AK8: variants seen among roughly 807,000 people sequenced by gnomAD.
AK8 encodes the protein ATP-AMP transphosphorylase 8.
In AK8, 44 loss-of-function variants were observed where a neutral mutation model predicts 54.6. The observed-to-expected ratio is 0.81, with a 90% CI of 0.63 to 1.04. The LOEUF is 1.04. Ranked by LOEUF, AK8 falls within the 50% of genes least tolerant of loss-of-function variation. The probability of loss-of-function intolerance (pLI) is 0.00; values close to 1 mark genes in which losing one functional copy is unlikely to be tolerated. For synonymous variants in AK8, 239 were observed against 245.6 expected, an observed-to-expected ratio of 0.97 and a Z score of 0.25; for missense variants, 555 against 613.6, an observed-to-expected ratio of 0.90 and a Z score of 1.01.
intron 11 of AK8, among the ~76,000 whole-genome samples, chr9:132,740,152 A>G (rs1837302904): frequency 6.6e-6 from 1 of 152,216 alleles, no homozygotes. Flanking sequence ...CAGCCCCCTA[A>G]GGCGGAGCAC....
chr9:132,793,212 T>C (rs1252701737), intron 10 of AK8, among the ~76,000 whole-genome samples: 1 of 152,196 alleles, frequency 6.6e-6, no homozygotes, highest in Non-Finnish European at 1.5e-5. Context: ...CCTCACCTGG[T>C]GGAAGGGGTG....
intron 2 of AK8, among the ~76,000 whole-genome samples, chr9:132,868,440 C>G (rs530781523): frequency 6.6e-6 from 1 of 152,200 alleles, no homozygotes; most frequent in Non-Finnish European, 1.5e-5. Flanking sequence ...GTTCCCTCCA[C>G]GTTCCTGCCT....
chr9:132,772,427 G>T (rs1839024005), intron 11 of AK8, among the ~76,000 whole-genome samples: 1 of 152,170 alleles, frequency 6.6e-6, no homozygotes, highest in Non-Finnish European at 1.5e-5. Flanking sequence ...AATCTGACTG[G>T]AGTCCTTCTA....
intron 11 of AK8, among the ~76,000 whole-genome samples, chr9:132,778,429 C>T (rs1399588294): frequency 1.3e-5 from 2 of 152,060 alleles, no homozygotes; most frequent in Non-Finnish European, 2.9e-5. Context: ...ATCCATAGTC[C>T]GCATAAGGAT....
intron 1 of AK8, chr9:132,877,655 T>C (rs1471117516): frequency 2.9e-6 from 1 of 349,758 alleles, no homozygotes; most frequent in Admixed American, 3.7e-5. Flanking sequence ...CGTCTGGCCC[T>C]GAGGAGGAGG....
At chr9:132,869,057 G>C (rs1393481149) in intron 2 of AK8, among the ~76,000 whole-genome samples, 1 of 152,192 alleles carries the variant, frequency 6.6e-6, no homozygotes, top group East Asian at 1.9e-4. Context: ...GCACACAACT[G>C]TAATCCCAGC....
At position 132,725,929 on chromosome 9, in the gene AK8, C is replaced by T. The variant is rs1318060489; in HGVS notation, c.1203-4G>A. 3.1e-6 allele frequency: 5 copies of T among 1,608,622 alleles called. No individual in the cohort carries two copies. The Admixed American group carries it at 6.7e-5, about 22-fold the overall frequency. ...TGGCTTGTACATGAGGTGGTACCTGCAAGGGAGGAAGGAAAGCAGGTGACC... is the reference window on the plus strand; with the variant it reads ...TGGCTTGTACATGAGGTGGTACCTGTAAGGGAGGAAGGAAAGCAGGTGACC... On this transcript the variant is annotated splice_region_variant and splice_polypyrimidine_tract_variant and intron_variant, in intron 12 of 12. Transcript: ENST00000298545.
At chr9:132,868,896 A>G (rs1488779689) in intron 2 of AK8, among the ~76,000 whole-genome samples, 2 of 152,138 alleles carry the variant, frequency 1.3e-5, no homozygotes, top group Non-Finnish European at 1.5e-5. Context: ...AGTCAAGAAG[A>G]AAAGGGGGTT....
rs1842385235 is a variant in AK8, at chr9:132,837,758, G to A, written c.403-9032C>T. Among the ~76,000 whole-genome samples the A allele has an allele frequency of 6.6e-6, 1 of 152,132 alleles. No individual in the cohort carries two copies. Among genetic ancestry groups the A allele is most frequent in the Non-Finnish European group, 1.5e-5 (1 of 68,026 alleles). On this transcript the variant is annotated intron_variant, in intron 5 of 12. Transcript: ENST00000298545. The surrounding 1 kb of genome is among the most constrained non-coding windows in gnomAD (Gnocchi z 4.3). Reference sequence around the variant, plus strand: ...ACACCAACCAACCAACCACGCCTCAGCATCAGGGTCTCTTACAGAAACACC... The same window carrying A: ...ACACCAACCAACCAACCACGCCTCAACATCAGGGTCTCTTACAGAAACACC...
At chr9:132,830,989 C>T (rs964396674) in intron 5 of AK8, among the ~76,000 whole-genome samples, 1 of 152,184 alleles carries the variant, frequency 6.6e-6, no homozygotes, top group African/African-American at 2.4e-5. Flanking sequence ...TACTCTGTTT[C>T]CTTATGGCTC....
intron 8 of AK8, 21 bp from the exon 9 acceptor site, chr9:132,823,357 G>A: frequency 6.2e-7 from 1 of 1,613,294 alleles, no homozygotes; most frequent in Non-Finnish European, 8.5e-7. Context: ...AGGATATGAG[G>A]ATAATAAACC....
In AK8 at chr9:132,799,399, T is replaced by C. The variant is rs151120641; in HGVS notation, c.980-6624A>G. On this transcript the variant is annotated intron_variant, in intron 10 of 12. Coordinates refer to ENST00000298545, the MANE Select transcript of AK8 (RefSeq NM_152572.3). The surrounding 1 kb of genome is among the most constrained non-coding windows in gnomAD (Gnocchi z 5.0). Reference sequence around the variant, plus strand: ...TCACGACAAGCCATGTGAGCCTCCTTGGCACCCTAGGGCAAACAGGAAAGA... The same window carrying C: ...TCACGACAAGCCATGTGAGCCTCCTCGGCACCCTAGGGCAAACAGGAAAGA... Among the ~76,000 whole-genome samples the C allele has an allele frequency of 6.7e-3, 1,023 of 152,176 alleles. 5 individuals are homozygous for C. The highest frequency in any genetic ancestry group is 0.019 in the African/African-American group (792 of 41,518).
intron 1 of AK8, 171 bp from the exon 2 acceptor site, chr9:132,875,370 G>A (rs1844047885): frequency 1.0e-6 from 1 of 961,446 alleles, no homozygotes; most frequent in Non-Finnish European, 1.2e-6. Context: ...ATGAGCAGAG[G>A]CATGAGGGGG....
chr9:132,856,190 G>T (rs976159229), intron 4 of AK8, among the ~76,000 whole-genome samples: 1 of 152,216 alleles, frequency 6.6e-6, no homozygotes. Flanking sequence ...AAGGACATGG[G>T]AAGTAGAAAT....
chr9:132,797,265 T>C (rs1035095391), intron 10 of AK8, among the ~76,000 whole-genome samples: 2 of 150,008 alleles, frequency 1.3e-5, no homozygotes, highest in Non-Finnish European at 3.0e-5. Context: ...CCTGGCACAG[T>C]ACTGGGCCCA....
At chr9:132,872,930 G>C (rs1367305750) in intron 2 of AK8, among the ~76,000 whole-genome samples, 1 of 152,194 alleles carries the variant, frequency 6.6e-6, no homozygotes, top group Non-Finnish European at 1.5e-5. Flanking sequence ...TCCCGCCTCA[G>C]CCTCCCCAGT....
In AK8 at chr9:132,727,494, G is replaced by T. The variant is rs763524400; in HGVS notation, c.1162C>A (p.Arg388=). The part of the protein sequence containing the change: ...LNVPFDSIME[R]LTLRRIDPVT... ...GGATCAATTCTTCTCAGAGTCAGCC[G>T]CTCCATGATGGAATCAAATGGCACA... is the stretch of plus-strand genomic sequence containing the variant. Residue 388 remains arginine (R), a synonymous_variant, in exon 12 of 13, where the codon CGG becomes AGG. Coordinates refer to ENST00000298545, the MANE Select transcript of AK8 (RefSeq NM_152572.3). The T allele has an allele frequency of 3.1e-6, 5 of 1,613,938 alleles. No individual in the cohort carries two copies. Among genetic ancestry groups the T allele is most frequent in the Non-Finnish European group, 4.2e-6 (5 of 1,179,940 alleles).
At chr9:132,851,881 C>T (rs1423974100) in intron 5 of AK8, among the ~76,000 whole-genome samples, 14 of 152,212 alleles carry the variant, frequency 9.2e-5, no homozygotes, top group Admixed American at 6.5e-5. Flanking sequence ...TACAAAATTA[C>T]TTAGCGCAGG....
At chr9:132,785,531 G>A (rs1195556037) in intron 11 of AK8, among the ~76,000 whole-genome samples, 1 of 152,166 alleles carries the variant, frequency 6.6e-6, no homozygotes, top group Non-Finnish European at 1.5e-5. Flanking sequence ...CTAAATTAAC[G>A]GAAGTGGGGC....
Sources: allele counts gnomAD v4.1 joint callset (sites outside exome capture counted in the v4.1 genomes callset), GRCh38; gene constraint gnomAD v4.1.1; non-coding constraint Gnocchi (gnomAD v3.1); transcripts MANE v1.5; gene names NCBI Gene and HGNC (gene_info 2026-07-23, HGNC 2026-07-21).